Variants in METTL8 observed in about 807,000 individuals in gnomAD.
METTL8 encodes the protein methyltransferase 8, tRNA N3-cytidine.
In METTL8, 32 loss-of-function variants were observed where a neutral mutation model predicts 48.7. That is an observed-to-expected ratio of 0.66 (90% CI 0.50 to 0.88). The LOEUF is 0.88. METTL8 is among the 40% of genes least tolerant of loss of function. METTL8 has a pLI of 0.00. For missense variants in METTL8, 464 were observed against 474.4 expected (o/e 0.98, Z 0.20); for synonymous variants, 136 against 157.1 (o/e 0.87, Z 1.01).
Position 171,319,113 on chromosome 2 carries a change from G to T in METTL8, c.*5059C>A, listed in dbSNP as rs543759471. 6.6e-6 allele frequency: 1 copy of T among 152,294 alleles called. No individual in the cohort carries two copies. Among genetic ancestry groups the T allele is most frequent in the Admixed American group, 6.5e-5 (1 of 15,290 alleles). 9.4% of individuals were successfully genotyped at this position (152,294 alleles called of 1,614,324 possible). On this transcript the variant is annotated 3_prime_UTR_variant, in exon 10 of 10. Transcript: ENST00000375258. ...GAGGCAACACTTTTTTCCATGGAAA[G>T]ATACTGTCTTTCTTACAATGTCTCA...
intron 3 of METTL8, among the ~76,000 whole-genome samples, chr2:171,344,010 C>A (rs927266292): frequency 7.2e-5 from 11 of 152,164 alleles, no homozygotes; most frequent in Non-Finnish European, 1.3e-4. Context: ...AGGCAATAGT[C>A]AGGGTTTGCT....
chr2:171,385,625 T>G (rs1219859772), intron 2 of METTL8, among the ~76,000 whole-genome samples: 1 of 152,206 alleles, frequency 6.6e-6, no homozygotes, highest in Non-Finnish European at 1.5e-5. Flanking sequence ...ACCACAGGTG[T>G]CGGGTGCAGA....
At position 171,361,846 on chromosome 2, in the gene METTL8, A is replaced by G. The variant is rs118085797; in HGVS notation, c.144-1333T>C. The stretch of plus-strand genomic sequence containing the variant: ...CTTGGGTTTATATTCTCCTAGTGCA[A>G]GCAGGTAAACAATACGTAAATGATA... On this transcript the variant is annotated intron_variant, in intron 2 of 9. Transcript: ENST00000375258. Among the ~76,000 whole-genome samples the G allele has an allele frequency of 1.9e-3, 288 of 152,304 alleles. 7 individuals are homozygous for G. The East Asian group carries it at 0.029, about 15-fold the overall frequency.
intron 2 of METTL8, among the ~76,000 whole-genome samples, chr2:171,382,745 G>GA (rs1055381772): frequency 3.9e-5 from 6 of 151,918 alleles, no homozygotes; most frequent in African/African-American, 1.5e-4. Context: ...AAGAAAAAAA[G>GA]AAAAGAAAAC....
intron 2 of METTL8, among the ~76,000 whole-genome samples, chr2:171,377,367 A>G (rs752548754): frequency 1.3e-5 from 2 of 152,186 alleles, no homozygotes; most frequent in Non-Finnish European, 2.9e-5. Context: ...TAAATATAAC[A>G]AAAACAAAAA....
intron 3 of METTL8, among the ~76,000 whole-genome samples, chr2:171,341,834 TACACACACACACAC>T (rs56145145): frequency 6.8e-5 from 10 of 147,298 alleles, no homozygotes; most frequent in Non-Finnish European, 1.5e-4. Context: ...AATATTCATG[TACACACACACACAC>T]ACACACACAC....
rs1575690978 is a variant in METTL8, at chr2:171,317,474, C to G, written c.*6698G>C. On this transcript the variant is annotated 3_prime_UTR_variant, in exon 10 of 10. Coordinates refer to ENST00000375258, the MANE Select transcript of METTL8 (RefSeq NM_001321154.2). Reference sequence around the variant, plus strand: ...TACAGAAGCATTTCCCGCCCTGGGCCCTGGATCTACTCAGTGCCTACCTGC... The same window carrying G: ...TACAGAAGCATTTCCCGCCCTGGGCGCTGGATCTACTCAGTGCCTACCTGC... 6.6e-6 allele frequency: 1 copy of G among 152,356 alleles called. No homozygotes were observed. The highest frequency in any genetic ancestry group is 2.4e-5 in the African/African-American group (1 of 41,426). 9.4% of individuals were successfully genotyped at this position (152,356 alleles called of 1,614,324 possible). A position where few individuals can be genotyped will look rare whatever the true frequency, so the allele number is the denominator to read the frequency against.
rs200914982 is a variant in METTL8 at position 171,353,988 on chromosome 2, T to C, written c.235+6434A>G. Among the ~76,000 whole-genome samples the C allele has an allele frequency of 1.9e-3, 291 of 152,348 alleles. 6 individuals are homozygous for C. In the East Asian group the frequency reaches 0.029, roughly 15 times the overall value. On this transcript the variant is annotated intron_variant, in intron 3 of 9. Coordinates refer to ENST00000375258, the MANE Select transcript of METTL8 (RefSeq NM_001321154.2). ...AAGGTTAATATTGTTATGTGTGAAT[T>C]TGATCCTGTCATTATGATGTTAGCT... is the stretch of plus-strand genomic sequence containing the variant.
intron 3 of METTL8, among the ~76,000 whole-genome samples, chr2:171,350,497 C>T (rs1683789623): frequency 1.3e-5 from 2 of 152,200 alleles, no homozygotes; most frequent in African/African-American, 4.8e-5. Context: ...ATGACTGGGT[C>T]AAATGATATT....
At chr2:171,344,214 C>A (rs1687054307) in intron 3 of METTL8, among the ~76,000 whole-genome samples, 1 of 152,184 alleles carries the variant, frequency 6.6e-6, no homozygotes, top group South Asian at 2.1e-4. Flanking sequence ...TTAATCCTAG[C>A]AGTATCTCTC....
Position 171,339,557 on chromosome 2 carries a change from A to G in METTL8, c.236-3T>C. On this transcript the variant is annotated splice_region_variant and splice_polypyrimidine_tract_variant and intron_variant, in intron 3 of 9. Coordinates refer to ENST00000375258, the MANE Select transcript of METTL8 (RefSeq NM_001321154.2). ...ACTAGCTTCTCTCTCATACTTAACT[A>G]AAATAAAGAGGAAAAAGAAAGATTT... 7.0e-7 allele frequency: 1 copy of G among 1,435,490 alleles called. No homozygotes were observed. The highest frequency in any genetic ancestry group is 9.5e-7 in the Non-Finnish European group (1 of 1,051,748). The allele number at this position is 1,435,490 out of a possible 1,614,324, so 88.9% of individuals were successfully genotyped here. A position where few individuals can be genotyped will look rare whatever the true frequency, so the allele number is the denominator to read the frequency against.
At chr2:171,351,619 T>G (rs1683935269) in intron 3 of METTL8, among the ~76,000 whole-genome samples, 1 of 152,252 alleles carries the variant, frequency 6.6e-6, no homozygotes, top group Non-Finnish European at 1.5e-5. Flanking sequence ...TCCATTTGTT[T>G]GTGTCCTCTT....
At chr2:171,352,932 T>C (rs865927463) in intron 3 of METTL8, among the ~76,000 whole-genome samples, 41 of 152,330 alleles carry the variant, frequency 2.7e-4, no homozygotes, top group Admixed American at 7.2e-4. Context: ...CCTGGATTCA[T>C]TGATTTTTTG....
Position 171,360,486 on chromosome 2 carries a change from T to C in METTL8, c.171A>G (p.Glu57=). The C allele has an allele frequency of 6.2e-7, 1 of 1,613,858 alleles. No homozygotes were observed. The highest frequency in any genetic ancestry group is 8.5e-7 in the Non-Finnish European group (1 of 1,179,974). The change falls in exon 3 of 10, where the codon GAA becomes GAG. Residue 57 remains glutamate (E), a synonymous_variant. Coordinates refer to ENST00000375258, the MANE Select transcript of METTL8 (RefSeq NM_001321154.2). The stretch of plus-strand genomic sequence containing the variant: ...TTACTTTTTTTCTGGCTGCTGCTTC[T>C]TCTTCCTTAGACCACTGCATGTGAT... The part of the protein sequence containing the change: ...MWDHMQWSKE[E]EAAARKKVKE...
In METTL8 at chr2:171,323,781, TCTGA is replaced by T. The variant is rs1463243333; in HGVS notation, c.*387_*390del. 6.4e-6 allele frequency: 1 copy of T among 155,708 alleles called. No homozygotes were observed. The highest frequency in any genetic ancestry group is 1.4e-5 in the Non-Finnish European group (1 of 70,748). 9.6% of individuals were successfully genotyped at this position (155,708 alleles called of 1,614,324 possible). A position where few individuals can be genotyped will look rare whatever the true frequency, so the allele number is the denominator to read the frequency against. Reference sequence around the variant, plus strand: ...TGCAATCAGATGACAATGGGAAGAGTCTGACTGTGTTTGGGAACTGGTTTACTAA... The same window carrying T: ...TGCAATCAGATGACAATGGGAAGAGTCTGTGTTTGGGAACTGGTTTACTAA... On this transcript the variant is annotated 3_prime_UTR_variant, in exon 10 of 10. Coordinates refer to ENST00000375258, the MANE Select transcript of METTL8 (RefSeq NM_001321154.2).
At chr2:171,370,981 T>C (rs1306826962) in intron 2 of METTL8, among the ~76,000 whole-genome samples, 1 of 152,112 alleles carries the variant, frequency 6.6e-6, no homozygotes, top group African/African-American at 2.4e-5. Context: ...TCAAGTTGAG[T>C]ACTTAAAAAA....
chr2:171,410,581 TAA>T (rs1690650981), intron 1 of METTL8, among the ~76,000 whole-genome samples: 1 of 152,248 alleles, frequency 6.6e-6, no homozygotes, highest in South Asian at 2.1e-4. Context: ...TAAGTGACTT[TAA>T]GAGATTACTA....
chr2:171,392,942 C>CAA (rs34723018), intron 1 of METTL8, among the ~76,000 whole-genome samples: 2,092 of 133,170 alleles, frequency 0.016, 43 homozygotes, highest in African/African-American at 0.052. Flanking sequence ...ACTAAAAATA[C>CAA]AAAAAAAAAA....
intron 1 of METTL8, among the ~76,000 whole-genome samples, chr2:171,399,960 G>A (rs1344238401): frequency 6.6e-6 from 1 of 151,944 alleles, no homozygotes; most frequent in Admixed American, 6.6e-5. Flanking sequence ...GCAACATAGA[G>A]AGACCTCATC....
Sources: allele counts gnomAD v4.1 joint callset (sites outside exome capture counted in the v4.1 genomes callset), GRCh38; gene constraint gnomAD v4.1.1; transcripts MANE v1.5; gene names NCBI Gene and HGNC (gene_info 2026-07-23, HGNC 2026-07-21).